MCU: variants seen among roughly 807,000 people sequenced by gnomAD.
The protein encoded by MCU is calcium uniporter protein, mitochondrial.
MCU carries 12 observed loss-of-function variants against 45.2 expected under a neutral mutation model. The observed-to-expected ratio is 0.27, with a 90% CI of 0.17 to 0.43. MCU has a LOEUF of 0.43. Ranked by LOEUF, MCU falls within the 20% of genes least tolerant of loss-of-function variation. The probability of loss-of-function intolerance (pLI) is 1.00; values close to 1 mark genes in which losing one functional copy is unlikely to be tolerated. For missense variants in MCU, 324 were observed against 436.7 expected, an observed-to-expected ratio of 0.74 and a Z score of 2.30; for synonymous variants, 160 against 165.1, an observed-to-expected ratio of 0.97 and a Z score of 0.24.
intron 6 of MCU, among the ~76,000 whole-genome samples, chr10:72,878,993 G>A (rs1845660163): frequency 6.6e-6 from 1 of 152,204 alleles, no homozygotes; most frequent in East Asian, 1.9e-4. Flanking sequence ...ACTGGGCGCG[G>A]TGGCTCACAC....
intron 1 of MCU, among the ~76,000 whole-genome samples, chr10:72,802,856 T>TA (rs1844364015): frequency 6.6e-6 from 1 of 152,196 alleles, no homozygotes; most frequent in Non-Finnish European, 1.5e-5. Context: ...CACTCAAACT[T>TA]ACTTTGAAAT....
chr10:72,719,681 G>A (rs1247471904), intron 1 of MCU, among the ~76,000 whole-genome samples: 2 of 152,030 alleles, frequency 1.3e-5, no homozygotes, highest in Non-Finnish European at 2.9e-5. Flanking sequence ...TTTTCTTATT[G>A]TCACTTTTGG....
At chr10:72,730,224 G>A (rs1181080806) in intron 1 of MCU, among the ~76,000 whole-genome samples, 1 of 151,208 alleles carries the variant, frequency 6.6e-6, no homozygotes, top group Non-Finnish European at 1.5e-5. Flanking sequence ...ACCTCCCAAA[G>A]TGCTGGGATT....
intron 1 of MCU, among the ~76,000 whole-genome samples, chr10:72,741,645 A>G (rs1422596243): frequency 6.6e-6 from 1 of 152,136 alleles, no homozygotes; most frequent in Non-Finnish European, 1.5e-5. Context: ...TTATGCTGCC[A>G]AGTTGATGAT....
intron 1 of MCU, among the ~76,000 whole-genome samples, chr10:72,747,328 G>T (rs1281635017): frequency 6.6e-6 from 1 of 152,206 alleles, no homozygotes; most frequent in Admixed American, 6.5e-5. Flanking sequence ...GAAAAGTAAG[G>T]AGTAGTGCAT....
At chr10:72,699,613 A>G (rs1438397869) in intron 1 of MCU, among the ~76,000 whole-genome samples, 3 of 145,318 alleles carry the variant, frequency 2.1e-5, no homozygotes, top group Admixed American at 6.9e-5. Flanking sequence ...TTTTTTATTG[A>G]GATGGAGTCA....
chr10:72,766,589 A>G (rs990789978), intron 1 of MCU: 3 of 152,148 alleles, frequency 2.0e-5, no homozygotes, highest in Non-Finnish European at 4.4e-5. Context: ...TCTCATCTGT[A>G]CTTTAGGAGA....
At chr10:72,876,468 C>T (rs1224613166) in intron 6 of MCU, among the ~76,000 whole-genome samples, 3 of 152,184 alleles carry the variant, frequency 2.0e-5, no homozygotes, top group Admixed American at 6.5e-5. Flanking sequence ...CTAATCTAGA[C>T]CTTTATCCTA....
chr10:72,842,082 C>G (rs182700776), intron 2 of MCU, among the ~76,000 whole-genome samples: 27 of 152,266 alleles, frequency 1.8e-4, no homozygotes, highest in Non-Finnish European at 2.8e-4. Flanking sequence ...AGTTTGAGAC[C>G]AGCCTAGGCA....
At chr10:72,879,239 G>A (rs1388180952) in intron 6 of MCU, among the ~76,000 whole-genome samples, 1 of 152,008 alleles carries the variant, frequency 6.6e-6, no homozygotes, top group Non-Finnish European at 1.5e-5. Flanking sequence ...CTCCAGCCTG[G>A]GTAATAGAGC....
At chr10:72,712,300 A>G (rs1229472571) in intron 1 of MCU, 1 of 152,118 alleles carries the variant, frequency 6.6e-6, no homozygotes, top group Non-Finnish European at 1.5e-5. Flanking sequence ...TCCTGGGAAA[A>G]TCCTTTGTAC....
intron 6 of MCU, among the ~76,000 whole-genome samples, chr10:72,879,318 C>T (rs1458862749): frequency 6.6e-6 from 1 of 151,982 alleles, no homozygotes; most frequent in Non-Finnish European, 1.5e-5. Context: ...AGTAAAACTT[C>T]AAAAGCCAAA....
At chr10:72,763,185 CAA>C (rs1491228882) in intron 1 of MCU, among the ~76,000 whole-genome samples, 3 of 152,186 alleles carry the variant, frequency 2.0e-5, no homozygotes, top group Admixed American at 6.5e-5. Flanking sequence ...ATTTTTACAT[CAA>C]AGTCCTTAGC....
rs555887994 is a variant in MCU at position 72,710,543 on chromosome 10, GTTTTTTTTTTT to G, written c.150+18259_150+18269del. Among the ~76,000 whole-genome samples the G allele has an allele frequency of 1.6e-3, 134 of 84,304 alleles. 1 individual carries two copies. Among genetic ancestry groups the G allele is most frequent in the African/African-American group, 5.1e-3 (102 of 19,972 alleles). The allele number at this position is 84,304 out of a possible 152,430, so 55.3% of individuals were successfully genotyped here. ...TGGAAAGGCCATTCCATCACCTAAG[GTTTTTTTTTTT>G]TTTTTTTTTTTTTTTTGGTGGAGGT... On this transcript the variant is annotated intron_variant, in intron 1 of 7. Coordinates refer to ENST00000373053, the MANE Select transcript of MCU (RefSeq NM_138357.3).
At chr10:72,815,518 G>A (rs1179780626) in intron 1 of MCU, among the ~76,000 whole-genome samples, 2 of 152,188 alleles carry the variant, frequency 1.3e-5, no homozygotes, top group Admixed American at 6.5e-5. Context: ...TAGTGGGATG[G>A]GGGACAGAAC....
chr10:72,830,722 G>C (rs762459570), intron 1 of MCU, among the ~76,000 whole-genome samples: 3 of 152,140 alleles, frequency 2.0e-5, no homozygotes, highest in Non-Finnish European at 2.9e-5. Context: ...GCACAACTAG[G>C]GAGATCTCTG....
At chr10:72,862,790 G>C (rs942366894) in intron 4 of MCU, among the ~76,000 whole-genome samples, 1 of 151,964 alleles carries the variant, frequency 6.6e-6, no homozygotes, top group African/African-American at 2.4e-5. Flanking sequence ...CTGGTAAGGT[G>C]GCTCACACCT....
At chr10:72,744,517 C>T (rs1238870267) in intron 1 of MCU, among the ~76,000 whole-genome samples, 1 of 152,194 alleles carries the variant, frequency 6.6e-6, no homozygotes, top group African/African-American at 2.4e-5. Flanking sequence ...GTAGTCCCAG[C>T]TACTCGGGAG....
chr10:72,814,157 G>A (rs1320645519), intron 1 of MCU, among the ~76,000 whole-genome samples: 2 of 152,228 alleles, frequency 1.3e-5, no homozygotes, highest in Non-Finnish European at 2.9e-5. Flanking sequence ...AGGGACTTTA[G>A]TAATGGTCAG....
Sources: gnomAD v4.1 joint callset for allele counts (sites outside exome capture counted in the v4.1 genomes callset) on GRCh38, gnomAD v4.1.1 for gene constraint, MANE v1.5 for transcripts, NCBI Gene and HGNC (gene_info 2026-07-23, HGNC 2026-07-21) for gene names.